Variants in SASH1 observed in about 807,000 individuals in gnomAD.
SASH1 encodes the protein SAM and SH3 domain containing 1.
A neutral mutation model predicts 125.2 loss-of-function variants in SASH1; 44 were observed. The ratio of observed to expected loss-of-function variants is 0.35; its 90% CI spans 0.28 to 0.45. The LOEUF is 0.45. Among genes scored for constraint, SASH1 ranks in the 20% least tolerant of loss-of-function variants. SASH1 has a pLI of 1.00. For missense variants in SASH1, 1,426 were observed against 1,614.5 expected (o/e 0.88, Z 2.00); for synonymous variants, 639 against 649.1 (o/e 0.98, Z 0.24).
chr6:148,358,744 T>G (rs1396696722), intron 1 of SASH1, among the ~76,000 whole-genome samples: 3 of 147,042 alleles, frequency 2.0e-5, no homozygotes, highest in Admixed American at 6.7e-5. Context: ...TTTTTTTTTT[T>G]TTTTTTTTTG....
chr6:148,515,333 G>T (rs892820856), intron 9 of SASH1, among the ~76,000 whole-genome samples: 3 of 152,094 alleles, frequency 2.0e-5, no homozygotes, highest in African/African-American at 7.2e-5. Flanking sequence ...TAACATGTAG[G>T]TTTTAAAATT....
chr6:148,509,526 C>A (rs1431110616), intron 8 of SASH1, among the ~76,000 whole-genome samples: 1 of 152,142 alleles, frequency 6.6e-6, no homozygotes. Flanking sequence ...ATCCTGTGAT[C>A]AGCGTGGTGG....
rs57183555 is a variant in SASH1 at position 148,356,494 on chromosome 6, CTTT to C, written c.156+13289_156+13291del. On this transcript the variant is annotated intron_variant, in intron 1 of 19. Transcript: ENST00000367467. ...TCAAATGGTAGATCTACTTTTAGTT[CTTT>C]TTTTTTTTTTTTTTTTTGAGACTGG... Among the ~76,000 whole-genome samples the C allele has an allele frequency of 2.8e-3, 326 of 116,262 alleles. 4 individuals carry two copies. Among genetic ancestry groups the C allele is most frequent in the African/African-American group, 0.01 (308 of 29,976 alleles). 76.3% of individuals were successfully genotyped at this position (116,262 alleles called of 152,430 possible).
At chr6:148,448,558 C>T (rs973942402) in intron 4 of SASH1, among the ~76,000 whole-genome samples, 7 of 152,122 alleles carry the variant, frequency 4.6e-5, no homozygotes, top group East Asian at 1.9e-4. Context: ...CACCAAGTTT[C>T]GAGTTTCTTC....
chr6:148,301,757 T>C (rs1026277079), intron 1 of SASH1, among the ~76,000 whole-genome samples: 1 of 149,198 alleles, frequency 6.7e-6, no homozygotes, highest in African/African-American at 2.5e-5. Flanking sequence ...TTTTTTTTTT[T>C]TTTTTTTTTG....
At chr6:148,393,688 G>C (rs1267987974) in intron 2 of SASH1, 1 of 985,064 alleles carries the variant, frequency 1.0e-6, no homozygotes. Flanking sequence ...GGCGTGCTCT[G>C]TTCCAAAACC....
chr6:148,514,633 G>A (rs1780340745), intron 9 of SASH1, among the ~76,000 whole-genome samples, 177 bp downstream of exon 9: 1 of 152,156 alleles, frequency 6.6e-6, no homozygotes, highest in Non-Finnish European at 1.5e-5. Context: ...GCTCAGATGC[G>A]ATGATGTGAT....
chr6:148,322,385 A>T (rs1030759387), intron 1 of SASH1, among the ~76,000 whole-genome samples: 2 of 152,184 alleles, frequency 1.3e-5, no homozygotes, highest in African/African-American at 4.8e-5. Context: ...AAATAAAAAG[A>T]AACCTTCCAT....
chr6:148,194,806 T>A, the SASH1 span, among the ~76,000 whole-genome samples: 1 of 152,154 alleles, frequency 6.6e-6, no homozygotes, highest in South Asian at 2.1e-4. Context: ...CTCGGGAGGC[T>A]GAGGCAGGAA....
At chr6:148,420,207 G>A (rs1212005644) in intron 2 of SASH1, among the ~76,000 whole-genome samples, 1 of 152,156 alleles carries the variant, frequency 6.6e-6, no homozygotes, top group Non-Finnish European at 1.5e-5. Context: ...TTGATAGTGT[G>A]CGTGTGTGTA....
intron 1 of SASH1, among the ~76,000 whole-genome samples, chr6:148,353,639 T>A (rs2114675355): frequency 6.6e-6 from 1 of 152,158 alleles, no homozygotes; most frequent in South Asian, 2.1e-4. Flanking sequence ...TTTGCCATGT[T>A]GGCCAGGCTA....
At chr6:148,507,615 C>T (rs1281684280) in intron 8 of SASH1, among the ~76,000 whole-genome samples, 2 of 152,168 alleles carry the variant, frequency 1.3e-5, no homozygotes, top group Non-Finnish European at 2.9e-5. Context: ...AAGTGATCTG[C>T]CCGCCTCCGT....
At chr6:148,247,644 G>C in the SASH1 span, among the ~76,000 whole-genome samples, 1 of 152,304 alleles carries the variant, frequency 6.6e-6, no homozygotes, top group Admixed American at 6.5e-5. Flanking sequence ...TTTTACTGGG[G>C]CCTAAACCTT....
intron 6 of SASH1, 79 bp downstream of exon 6, chr6:148,471,582 A>C (rs780869115): frequency 4.7e-6 from 4 of 858,250 alleles, no homozygotes; most frequent in Non-Finnish European, 5.8e-6. Context: ...ATCTCAGTGG[A>C]TGCTATAAGT....
intron 2 of SASH1, among the ~76,000 whole-genome samples, chr6:148,408,405 G>A (rs1015703814): frequency 2.6e-5 from 4 of 151,984 alleles, no homozygotes; most frequent in South Asian, 2.1e-4. Context: ...CACGCCCAGC[G>A]CATCTTTTCA....
intron 1 of SASH1, among the ~76,000 whole-genome samples, chr6:148,286,146 T>C (rs1180204702): frequency 2.0e-5 from 3 of 151,978 alleles, no homozygotes; most frequent in African/African-American, 7.2e-5. Context: ...TCATGGACCC[T>C]CCATTAAGAG....
At chr6:148,222,144 G>A in the SASH1 span, among the ~76,000 whole-genome samples, 865 of 152,158 alleles carry the variant, frequency 5.7e-3, 5 homozygotes, top group African/African-American at 0.019. Flanking sequence ...TCACATTAAG[G>A]GGCCACAATA....
At chr6:148,507,748 C>T (rs1779884904) in intron 8 of SASH1, among the ~76,000 whole-genome samples, 1 of 152,114 alleles carries the variant, frequency 6.6e-6, no homozygotes, top group Non-Finnish European at 1.5e-5. Flanking sequence ...ATCCCTGAGT[C>T]CTGTGTAGCT....
chr6:148,514,238 C>G, intron 8 of SASH1, 86 bp from the exon 9 acceptor site: 1 of 1,523,696 alleles, frequency 6.6e-7, no homozygotes. Flanking sequence ...GAGGTTCAGA[C>G]TGGCAGCAAG....
Sources: gnomAD v4.1 joint callset for allele counts (sites outside exome capture counted in the v4.1 genomes callset) on GRCh38, gnomAD v4.1.1 for gene constraint, MANE v1.5 for transcripts, NCBI Gene and HGNC (gene_info 2026-07-23, HGNC 2026-07-21) for gene names.